Variants in EPHX1 observed in about 807,000 individuals in gnomAD.
EPHX1 encodes epoxide hydrolase 1.
EPHX1 carries 40 observed loss-of-function variants against 43.2 expected under a neutral mutation model. The observed-to-expected ratio is 0.93, with a 90% CI of 0.72 to 1.21. The LOEUF (loss-of-function observed/expected upper bound fraction) is 1.21. Ranked by LOEUF, EPHX1 falls within the 50% of genes most tolerant of loss-of-function variation. The pLI is 0.00. For missense variants in EPHX1, 550 were observed against 570.4 expected (o/e 0.96, Z 0.36); for synonymous variants, 221 against 226.7 (o/e 0.98, Z 0.22).
Position 225,845,273 on chromosome 1 carries a change from T to G in EPHX1, c.1294T>G (p.Phe432Val). The change falls in exon 9 of 9, where the codon TTT (phenylalanine) becomes GTT (valine). Residue 432 changes from phenylalanine to valine, a missense_variant. Coordinates refer to ENST00000272167, the MANE Select transcript of EPHX1 (RefSeq NM_001136018.4). ...TTCCTACATGGTTCGTGGGGGCCACTTTGCGGCCTTTGAGGAGCCGGAGCT... is the reference window on the plus strand; with the variant it reads ...TTCCTACATGGTTCGTGGGGGCCACGTTGCGGCCTTTGAGGAGCCGGAGCT... ...SYSYMVRGGHFAAFEEPELLA... is the reference protein window; with the variant it reads ...SYSYMVRGGHVAAFEEPELLA... 1 of 1,613,576 alleles carries G rather than the reference T, an allele frequency of 6.2e-7. No homozygotes were observed. The highest frequency in any genetic ancestry group is 8.5e-7 in the Non-Finnish European group (1 of 1,180,006).
chr1:225,826,733 G>A (rs1407034935), intron 1 of EPHX1, among the ~76,000 whole-genome samples: 1 of 152,168 alleles, frequency 6.6e-6, no homozygotes, highest in Non-Finnish European at 1.5e-5. Flanking sequence ...GAGAGAAGAG[G>A]TTGTGGGTTT....
At chr1:225,815,417 T>TTTTTC (rs1485251218) in intron 1 of EPHX1, among the ~76,000 whole-genome samples, 5 of 76,558 alleles carry the variant, frequency 6.5e-5, no homozygotes, top group African/African-American at 2.1e-4. Flanking sequence ...TTTTCTTTTT[T>TTTTTC]TTTTTTTTTT....
At chr1:225,815,692 A>G (rs974718214) in intron 1 of EPHX1, among the ~76,000 whole-genome samples, 1 of 152,122 alleles carries the variant, frequency 6.6e-6, no homozygotes, top group African/African-American at 2.4e-5. Flanking sequence ...ACCACGACCA[A>G]ACAACCCAGA....
intron 3 of EPHX1, among the ~76,000 whole-genome samples, chr1:225,837,755 G>C (rs886590229): frequency 1.3e-5 from 2 of 152,210 alleles, no homozygotes; most frequent in East Asian, 1.9e-4. Context: ...CCTGACCTTA[G>C]GTGATCCACC....
chr1:225,838,985 C>G (rs1306187609), intron 4 of EPHX1, 104 bp downstream of exon 4: 3 of 1,443,746 alleles, frequency 2.1e-6, no homozygotes, highest in African/African-American at 2.8e-5. Flanking sequence ...GGAGTTGGCC[C>G]GAGGAAGCTG....
Position 225,830,500 on chromosome 1 carries a change from C to T in EPHX1, c.184-1279C>T, listed in dbSNP as rs936221685. 3.9e-5 allele frequency among the ~76,000 whole-genome samples: 6 copies of T among 152,242 alleles called. No homozygotes were observed. The South Asian group carries it at 1.0e-3, about 26-fold the overall frequency. ...TAGTTTTTGGAGACAGGGTCTTGCT[C>T]TGTCACCAGGCTGGGGTGCAGTGGT... On this transcript the variant is annotated intron_variant, in intron 2 of 8. Transcript: ENST00000272167.
chr1:225,825,291 G>A (rs1238781503), intron 1 of EPHX1: 3 of 152,392 alleles, frequency 2.0e-5, no homozygotes, highest in African/African-American at 7.2e-5. Context: ...TGGCAGGACT[G>A]TGCAATTGTC....
intron 6 of EPHX1, among the ~76,000 whole-genome samples, chr1:225,840,537 GAAAC>G (rs1248058587): frequency 1.3e-5 from 2 of 152,192 alleles, no homozygotes; most frequent in African/African-American, 4.8e-5. Flanking sequence ...ATTTTAAAAA[GAAAC>G]AATTCAAAGA....
At chr1:225,815,552 C>T (rs999295585) in intron 1 of EPHX1, among the ~76,000 whole-genome samples, 3 of 151,996 alleles carry the variant, frequency 2.0e-5, no homozygotes, top group African/African-American at 7.3e-5. Context: ...GGCACCCGGT[C>T]GAGATGGAAC....
chr1:225,816,151 A>G (rs1666715828), intron 1 of EPHX1, among the ~76,000 whole-genome samples: 1 of 152,090 alleles, frequency 6.6e-6, no homozygotes, highest in African/African-American at 2.4e-5. Context: ...TCAGCCGGGC[A>G]TGGTGGTGGC....
chr1:225,833,236 A>G (rs973749771), intron 3 of EPHX1, among the ~76,000 whole-genome samples: 2 of 152,256 alleles, frequency 1.3e-5, no homozygotes, highest in African/African-American at 4.8e-5. Context: ...TGGCCTTTTC[A>G]AGGAACAGTG....
chr1:225,832,253 A>T, intron 3 of EPHX1: 1 of 406,714 alleles, frequency 2.5e-6, no homozygotes, highest in Non-Finnish European at 4.7e-6. Context: ...TGAGATTTAG[A>T]CCCAGGCCAA....
intron 1 of EPHX1, among the ~76,000 whole-genome samples, chr1:225,823,347 A>G (rs115787488): frequency 6.6e-6 from 1 of 152,268 alleles, no homozygotes; most frequent in African/African-American, 2.4e-5. Context: ...CTCGTATTGT[A>G]ACCTCCAAGA....
intron 1 of EPHX1, among the ~76,000 whole-genome samples, chr1:225,818,336 C>T (rs1000300319): frequency 2.0e-5 from 3 of 152,158 alleles, no homozygotes; most frequent in African/African-American, 7.2e-5. Flanking sequence ...GGTCAGTGGC[C>T]TACAGGAGCT....
chr1:225,817,370 G>A lies in EPHX1; in HGVS notation c.-6+7201G>A, dbSNP rs1417043255. Among the ~76,000 whole-genome samples, 2 of 152,338 alleles carry A rather than the reference G, an allele frequency of 1.3e-5. No individual in the cohort carries two copies. Among genetic ancestry groups the A allele is most frequent in the African/African-American group, 2.4e-5 (1 of 41,588 alleles). ...CTGACAGGGAGTTCACAGCAGGAACGCTCCCAGGCTCCCATCCTGCGTCCG... is the reference window on the plus strand; with the variant it reads ...CTGACAGGGAGTTCACAGCAGGAACACTCCCAGGCTCCCATCCTGCGTCCG... On this transcript the variant is annotated intron_variant, in intron 1 of 8. Transcript: ENST00000272167. This position sits in a 1 kb window ranked among gnomAD's most constrained non-coding sequence, Gnocchi z 5.7.
At position 225,828,865 on chromosome 1, in the gene EPHX1, G is replaced by A. The variant is rs904052140; in HGVS notation, c.136G>A (p.Asp46Asn). ...CACGAGGTCCGCAGCCAGGGAGGAC[G>A]ACAGCATCCGCCCTTTCAAGGTGGA... is the stretch of plus-strand genomic sequence containing the variant. ...PGTRSAARED[D>N]SIRPFKVETS... Residue 46 changes from aspartate to asparagine, a missense_variant, in exon 2 of 9, where the codon GAC (aspartate) becomes AAC (asparagine). Asp to Asn is a conservative substitution (Grantham distance 23). Transcript: ENST00000272167. 4.4e-6 allele frequency: 7 copies of A among 1,604,948 alleles called. No homozygotes were observed. The highest frequency in any genetic ancestry group is 2.7e-5 in the African/African-American group (2 of 74,688).
intron 1 of EPHX1, among the ~76,000 whole-genome samples, chr1:225,824,655 G>A (rs981073741): frequency 3.9e-5 from 6 of 152,246 alleles, no homozygotes; most frequent in African/African-American, 1.4e-4. Flanking sequence ...GCGCCACTCT[G>A]CCTGGCCAGC....
At chr1:225,831,553 A>AAG (rs1441418240) in intron 2 of EPHX1, among the ~76,000 whole-genome samples, 1 of 114,262 alleles carries the variant, frequency 8.8e-6, no homozygotes, top group Non-Finnish European at 2.0e-5. Flanking sequence ...TCTCAAAAAA[A>AAG]AAAAAAGAAA....
intron 3 of EPHX1, among the ~76,000 whole-genome samples, chr1:225,832,544 T>C (rs977617675): frequency 6.6e-6 from 1 of 152,218 alleles, no homozygotes; most frequent in Admixed American, 6.5e-5. Flanking sequence ...GACTCTGCTC[T>C]CAGTTCTTTT....
Sources: allele counts gnomAD v4.1 joint callset (sites outside exome capture counted in the v4.1 genomes callset), GRCh38; gene constraint gnomAD v4.1.1; non-coding constraint Gnocchi (gnomAD v3.1); transcripts MANE v1.5; gene names NCBI Gene and HGNC (gene_info 2026-07-23, HGNC 2026-07-21).